The following ZNF704 variants were observed in gnomAD, a reference collection of about 807,000 sequenced individuals.
The protein encoded by ZNF704 is zinc finger protein 704, also known as glucocorticoid induced gene 1.
In ZNF704, 10 loss-of-function variants were observed where a neutral mutation model predicts 44.7. The ratio of observed to expected loss-of-function variants is 0.22; its 90% CI spans 0.14 to 0.38. ZNF704 has a LOEUF of 0.38. Ranked by LOEUF, ZNF704 falls within the 10% of genes least tolerant of loss-of-function variation. The pLI is 1.00. For missense variants in ZNF704, 390 were observed against 545.5 expected (o/e 0.71, Z 2.84); for synonymous variants, 211 against 207.6 (o/e 1.02, Z -0.14).
intron 2 of ZNF704, among the ~76,000 whole-genome samples, chr8:80,772,070 C>G (rs1457864720): frequency 6.6e-6 from 1 of 152,098 alleles, no homozygotes; most frequent in Non-Finnish European, 1.5e-5. Flanking sequence ...GGAATAAACT[C>G]TACTTGTCAT....
intron 2 of ZNF704, among the ~76,000 whole-genome samples, chr8:80,770,503 C>T (rs968474400): frequency 5.3e-5 from 8 of 152,066 alleles, no homozygotes; most frequent in Admixed American, 1.3e-4. Flanking sequence ...TGCTATATGT[C>T]CTCCTTGGTG....
At chr8:80,670,384 GA>G in intron 5 of ZNF704, 118 bp downstream of exon 5, 2 of 707,042 alleles carry the variant, frequency 2.8e-6, no homozygotes, top group South Asian at 3.7e-5. Flanking sequence ...AGATTAGGAA[GA>G]CCAAGCCAGC....
At chr8:80,686,675 G>T (rs1818543874) in intron 4 of ZNF704, among the ~76,000 whole-genome samples, 1 of 152,008 alleles carries the variant, frequency 6.6e-6, no homozygotes, top group East Asian at 1.9e-4. Flanking sequence ...CTACAGGTGT[G>T]AGCCACTGTG....
chr8:80,776,755 T>A (rs1278575140), intron 2 of ZNF704: 1 of 152,226 alleles, frequency 6.6e-6, no homozygotes, highest in East Asian at 1.9e-4. Flanking sequence ...AGCTCTGACC[T>A]GCTCTATTTT....
chr8:80,747,813 T>G (rs759296614), intron 2 of ZNF704, among the ~76,000 whole-genome samples: 1 of 152,192 alleles, frequency 6.6e-6, no homozygotes. Context: ...ACCTCCCCGA[T>G]TCAAGCGATT....
intron 1 of ZNF704, among the ~76,000 whole-genome samples, chr8:80,866,401 A>G (rs146056937): frequency 6.6e-6 from 1 of 152,300 alleles, no homozygotes; most frequent in East Asian, 1.9e-4. Context: ...GGCTCAATAA[A>G]TATCTCCTAA....
upstream of ZNF704, among the ~76,000 whole-genome samples, chr8:80,876,047 C>T (rs556236849): frequency 3.4e-4 from 52 of 152,262 alleles, no homozygotes; most frequent in African/African-American, 1.2e-3. Flanking sequence ...TTGAATCCAC[C>T]CCTTCCTTTC....
intron 2 of ZNF704, among the ~76,000 whole-genome samples, chr8:80,792,647 C>T (rs950664423): frequency 5.9e-5 from 9 of 152,220 alleles, no homozygotes; most frequent in Non-Finnish European, 1.2e-4. Flanking sequence ...CCTTTTAACA[C>T]ATCAGGAGTA....
At chr8:80,697,329 G>A (rs1818742298) in intron 2 of ZNF704, among the ~76,000 whole-genome samples, 1 of 152,114 alleles carries the variant, frequency 6.6e-6, no homozygotes, top group Non-Finnish European at 1.5e-5. Context: ...GAGTGAAAAT[G>A]GAAAATTTAA....
Position 80,641,418 on chromosome 8 carries a change from A to G in ZNF704, c.1187T>C (p.Met396Thr). Residue 396 changes from methionine to threonine, a missense_variant, in exon 9 of 9, where the codon ATG becomes ACG. By Grantham distance (81) the Met-to-Thr change is moderately conservative. Around this residue, in one of 3 missense-constraint regions of ZNF704, gnomAD observed 305 missense variants for 435.7 expected, o/e 0.70. Transcript: ENST00000327835. ...RKVYGMENRD[M>T]WCTACRWKKA... ...CTTCCAGCGGCAGGCGGTACACCAC[A>G]TGTCTCGGTTCTCCATCCCGTACAC... 6.2e-7 allele frequency: 1 copy of G among 1,612,852 alleles called. No individual in the cohort carries two copies. Among genetic ancestry groups the G allele is most frequent in the Non-Finnish European group, 8.5e-7 (1 of 1,179,530 alleles).
chr8:80,843,790 C>A (rs1478201272), intron 1 of ZNF704, among the ~76,000 whole-genome samples: 1 of 151,924 alleles, frequency 6.6e-6, no homozygotes, highest in African/African-American at 2.4e-5. Flanking sequence ...ACACATACAC[C>A]AGTCTCCTTT....
chr8:80,776,023 T>C (rs970171394), intron 2 of ZNF704, among the ~76,000 whole-genome samples: 2 of 152,228 alleles, frequency 1.3e-5, no homozygotes, highest in Non-Finnish European at 2.9e-5. Flanking sequence ...AATTTTTCCA[T>C]GCAATCTCCA....
rs946366384 is a variant in ZNF704 at position 80,641,340 on chromosome 8, C to T, written c.*26G>A. 1.3e-6 allele frequency: 2 copies of T among 1,535,608 alleles called. No individual in the cohort carries two copies. Among genetic ancestry groups the T allele is most frequent in the Non-Finnish European group, 1.8e-6 (2 of 1,127,594 alleles). ...GGCCAGGGCAGGAGCGGCTCAGGGC[C>T]CTGAGCCCCTCTGCCTGGGGGTCTC... On this transcript the variant is annotated 3_prime_UTR_variant, in exon 9 of 9. Coordinates refer to ENST00000327835, the MANE Select transcript of ZNF704 (RefSeq NM_001033723.3).
chr8:80,696,481 T>C (rs1400241751), intron 2 of ZNF704, among the ~76,000 whole-genome samples: 3 of 152,154 alleles, frequency 2.0e-5, no homozygotes, highest in Non-Finnish European at 4.4e-5. Context: ...GCAGTGGTGT[T>C]ATCTTGCCTC....
chr8:80,780,951 A>G lies in ZNF704; in HGVS notation c.221+40423T>C, dbSNP rs78788381. Among the ~76,000 whole-genome samples, 829 of 152,352 alleles carry G rather than the reference A, an allele frequency of 5.4e-3. 9 individuals carry two copies. Among genetic ancestry groups the G allele is most frequent in the African/African-American group, 0.019 (799 of 41,578 alleles). ...TCCACAAAATAGAAAAGTTTGGAAGAGAGCTGAATTGGAGAGAAGTGCTTA... is the reference window on the plus strand; with the variant it reads ...TCCACAAAATAGAAAAGTTTGGAAGGGAGCTGAATTGGAGAGAAGTGCTTA... On this transcript the variant is annotated intron_variant, in intron 2 of 8. Coordinates refer to ENST00000327835, the MANE Select transcript of ZNF704 (RefSeq NM_001033723.3).
rs758073765 is a variant in ZNF704 at position 80,670,470 on chromosome 8, G to A, written c.659+33C>T. 6.6e-6 allele frequency: 10 copies of A among 1,523,544 alleles called. No homozygotes were observed. In the South Asian group the frequency reaches 1.0e-4, roughly 15 times the overall value. The allele number at this position is 1,523,544 out of a possible 1,614,324, so 94.4% of individuals were successfully genotyped here. On this transcript the variant is annotated intron_variant, in intron 5 of 8. Coordinates refer to ENST00000327835, the MANE Select transcript of ZNF704 (RefSeq NM_001033723.3). ...CGGGTGGCCCTAGACTGAGCAGATG[G>A]GGGCTGCATCCCTGAAGAGAGAGCT...
At position 80,741,479 on chromosome 8, in the gene ZNF704, A is replaced by T. The variant is rs574624866; in HGVS notation, c.222-48372T>A. Among the ~76,000 whole-genome samples the T allele has an allele frequency of 1.2e-4, 19 of 152,326 alleles. No homozygotes were observed. The East Asian group carries it at 3.5e-3, about 28-fold the overall frequency. On this transcript the variant is annotated intron_variant, in intron 2 of 8. Coordinates refer to ENST00000327835, the MANE Select transcript of ZNF704 (RefSeq NM_001033723.3). ...GTTTACAGGTAGTGGCAGCAGTAGCAGTCTTAGCCTCCGAAGCAGTTAAAA... is the reference window on the plus strand; with the variant it reads ...GTTTACAGGTAGTGGCAGCAGTAGCTGTCTTAGCCTCCGAAGCAGTTAAAA...
intron 2 of ZNF704, among the ~76,000 whole-genome samples, chr8:80,770,804 T>C (rs1398010099): frequency 6.6e-6 from 1 of 152,190 alleles, no homozygotes; most frequent in Non-Finnish European, 1.5e-5. Context: ...CTCCTACTGT[T>C]TCTTTTAATT....
At chr8:80,734,587 T>C (rs1338067300) in intron 2 of ZNF704, among the ~76,000 whole-genome samples, 3 of 152,236 alleles carry the variant, frequency 2.0e-5, no homozygotes, top group South Asian at 2.1e-4. Flanking sequence ...AAAAGGAATA[T>C]TTTAAGTATA....
Sources: gnomAD v4.1 joint callset for allele counts (sites outside exome capture counted in the v4.1 genomes callset) on GRCh38, gnomAD v4.1.1 for gene constraint, gnomAD v4.1.1 regional missense constraint, MANE v1.5 for transcripts, NCBI Gene and HGNC (gene_info 2026-07-23, HGNC 2026-07-21) for gene names.